SLC28A2: variants seen among roughly 807,000 people sequenced by gnomAD.
SLC28A2 encodes the protein sodium/nucleoside cotransporter 2.
A neutral mutation model predicts 72.9 loss-of-function variants in SLC28A2; 69 were observed. The ratio of observed to expected loss-of-function variants is 0.95; its 90% confidence interval spans 0.78 to 1.16. The LOEUF (loss-of-function observed/expected upper bound fraction) is 1.16. Ranked by LOEUF, SLC28A2 falls within the 50% of genes most tolerant of loss-of-function variation. The pLI, the probability that SLC28A2 is intolerant of heterozygous loss-of-function variation, is 0.00. For missense variants in SLC28A2, 745 were observed against 791.1 expected (o/e 0.94, Z 0.70); for synonymous variants, 296 against 294.1 (o/e 1.01, Z -0.07).
chr15:45,270,232 G>T lies in SLC28A2; in HGVS notation c.1604G>T (p.Gly535Val), dbSNP rs1370695023. The T allele has an allele frequency of 1.2e-6, 2 of 1,613,738 alleles. No individual in the cohort carries two copies. Among genetic ancestry groups the T allele is most frequent in the Non-Finnish European group, 8.5e-7 (1 of 1,179,752 alleles). Residue 535 changes from glycine (G) to valine (V), a missense_variant, in exon 15 of 18, where the codon GGA becomes GTA. Gly to Val is a moderately radical substitution (Grantham distance 109, BLOSUM62 -3). Coordinates refer to ENST00000347644, the MANE Select transcript of SLC28A2 (RefSeq NM_004212.4). ...AEIITTFSLC[G>V]FANLSSIGIT... ...ATCATTACAACATTTTCACTCTGTG[G>T]ATTTGCCAATCTTAGTTCCATAGGA...
At chr15:45,274,506 A>C (rs1340755188) in intron 17 of SLC28A2, among the ~76,000 whole-genome samples, 4 of 152,044 alleles carry the variant, frequency 2.6e-5, no homozygotes, top group Non-Finnish European at 5.9e-5. Context: ...GGTGCAAACA[A>C]ACAAACAAAC....
intron 1 of SLC28A2, among the ~76,000 whole-genome samples, chr15:45,252,624 CTAAT>C (rs1487610321): frequency 6.6e-6 from 1 of 152,200 alleles, no homozygotes; most frequent in Non-Finnish European, 1.5e-5. Flanking sequence ...AACATTCATA[CTAAT>C]TATTTTAAAT....
At chr15:45,263,267 T>G in intron 5 of SLC28A2, 23 bp downstream of exon 5, 1 of 1,609,194 alleles carries the variant, frequency 6.2e-7, no homozygotes, top group Non-Finnish European at 8.5e-7. Flanking sequence ...TCTCAATACC[T>G]GGCCTCACAG....
intron 3 of SLC28A2, among the ~76,000 whole-genome samples, chr15:45,255,762 A>T (rs368417205): frequency 3.9e-5 from 6 of 152,172 alleles, no homozygotes; most frequent in East Asian, 3.8e-4. Context: ...ATGACAGAAA[A>T]ATGTAGCAAA....
chr15:45,258,117 G>A (rs1429032218), intron 3 of SLC28A2, among the ~76,000 whole-genome samples: 1 of 152,104 alleles, frequency 6.6e-6, no homozygotes, highest in Non-Finnish European at 1.5e-5. Flanking sequence ...TAGCTACTCG[G>A]GAGGCTGAGG....
At chr15:45,265,733 C>A in intron 9 of SLC28A2, 70 bp downstream of exon 9, 1 of 1,043,892 alleles carries the variant, frequency 9.6e-7, no homozygotes, top group Non-Finnish European at 1.5e-6. Context: ...TGGAAAAATG[C>A]CCATAGCTAA....
rs17215626 is a variant in SLC28A2, at chr15:45,267,737, G to T, written c.1140G>T (p.Ala380=). The change falls in exon 12 of 18, where the codon GCG becomes GCT. Residue 380 remains alanine, a synonymous_variant. Transcript: ENST00000347644. ...APCALASSKL[A]YPEVEESKFK... is the part of the protein sequence containing the mutation. ...GTGCTCTCGCCTCATCAAAGCTAGC[G>T]TATCCGGAAGTGGAGGAGTCCAAGT... is the stretch of plus-strand genomic sequence containing the variant. 1 of 1,614,060 alleles carries T rather than the reference G, an allele frequency of 6.2e-7. No homozygotes were observed. The highest frequency in any genetic ancestry group is 8.5e-7 in the Non-Finnish European group (1 of 1,180,008).
chr15:45,273,841 C>T (rs999350648), intron 17 of SLC28A2, among the ~76,000 whole-genome samples: 1 of 152,086 alleles, frequency 6.6e-6, no homozygotes, highest in Non-Finnish European at 1.5e-5. Flanking sequence ...ATCTCTTTTC[C>T]GGCATAAGCA....
At position 45,276,161 on chromosome 15, in the gene SLC28A2, T is replaced by A. The variant is rs1203936633; in HGVS notation, c.*648T>A. 1 of 152,088 alleles carries A rather than the reference T, an allele frequency of 6.6e-6. No individual in the cohort carries two copies. Among genetic ancestry groups the A allele is most frequent in the African/African-American group, 2.4e-5 (1 of 41,400 alleles). 9.4% of individuals were successfully genotyped at this position (152,088 alleles called of 1,614,324 possible). On this transcript the variant is annotated 3_prime_UTR_variant, in exon 18 of 18. Transcript: ENST00000347644. ...AATACTATGCAGCCATAAAAAATGA[T>A]GAGCTCATGTCCTTTGCAGGGACAT... is the stretch of plus-strand genomic sequence containing the variant.
chr15:45,261,398 C>G (rs555909141), intron 3 of SLC28A2, among the ~76,000 whole-genome samples: 3 of 152,166 alleles, frequency 2.0e-5, no homozygotes, highest in Non-Finnish European at 4.4e-5. Flanking sequence ...GTAACAGCTC[C>G]AGGGGTCTTA....
In SLC28A2 at chr15:45,275,545, A is replaced by G; in HGVS notation, c.*32A>G. On this transcript the variant is annotated 3_prime_UTR_variant, in exon 18 of 18. Transcript: ENST00000347644. Reference sequence around the variant, plus strand: ...TTGATCTATTTCTATAACAGTTTTGATCTTAAAAGCTTTGTGATTGCAAAG... The same window carrying G: ...TTGATCTATTTCTATAACAGTTTTGGTCTTAAAAGCTTTGTGATTGCAAAG... 1 of 1,394,456 alleles carries G rather than the reference A, an allele frequency of 7.2e-7. No individual in the cohort carries two copies. Among genetic ancestry groups the G allele is most frequent in the South Asian group, 1.2e-5 (1 of 85,164 alleles). The allele number at this position is 1,394,456 out of a possible 1,614,324, so 86.4% of individuals were successfully genotyped here. A position where few individuals can be genotyped will look rare whatever the true frequency, so the allele number is the denominator to read the frequency against.
chr15:45,255,265 A>AG (rs1899941992), intron 3 of SLC28A2: 1 of 150,130 alleles, frequency 6.7e-6, no homozygotes, highest in Non-Finnish European at 1.5e-5. Context: ...AAAAAAAAAA[A>AG]AGAAGAAAGA....
Position 45,267,581 on chromosome 15 carries a change from G to T in SLC28A2, c.1068+1G>T. 1.2e-6 allele frequency: 2 copies of T among 1,614,142 alleles called. No individual in the cohort carries two copies. The highest frequency in any genetic ancestry group is 1.7e-6 in the Non-Finnish European group (2 of 1,180,014). ...GCTGGGAGCCTTCATAGCCTTTGGGGTAGGCATAGTCTGCTTGATCACTCC... is the reference window on the plus strand; with the variant it reads ...GCTGGGAGCCTTCATAGCCTTTGGGTTAGGCATAGTCTGCTTGATCACTCC... On this transcript the variant is annotated splice_donor_variant, in intron 11 of 17. Coordinates refer to ENST00000347644, the MANE Select transcript of SLC28A2 (RefSeq NM_004212.4). LOFTEE classifies it high-confidence loss of function.
intron 3 of SLC28A2, chr15:45,256,079 A>C (rs1386218514): frequency 1.3e-5 from 2 of 152,126 alleles, no homozygotes; most frequent in East Asian, 3.8e-4. Context: ...TGGCACCTTA[A>C]ACTGCTCTGA....
In SLC28A2 at chr15:45,253,266, T is replaced by G; in HGVS notation, c.51T>G (p.Thr17=). Residue 17 remains threonine, a synonymous_variant, in exon 2 of 18, where the codon ACT becomes ACG. Coordinates refer to ENST00000347644, the MANE Select transcript of SLC28A2 (RefSeq NM_004212.4). Reference sequence around the variant, plus strand: ...CCATTGCTCTGTCCACAGTGGAGACTGGCACAGTGAACCCGGGGCTGGAGC... The same window carrying G: ...CCATTGCTCTGTCCACAGTGGAGACGGGCACAGTGAACCCGGGGCTGGAGC... ...RQSIALSTVE[T]GTVNPGLELM... is the part of the protein sequence containing the mutation. 1 of 1,613,772 alleles carries G rather than the reference T, an allele frequency of 6.2e-7. No homozygotes were observed. Among genetic ancestry groups the G allele is most frequent in the Non-Finnish European group, 8.5e-7 (1 of 1,179,680 alleles).
intron 3 of SLC28A2, among the ~76,000 whole-genome samples, chr15:45,260,544 C>T (rs1181008668): frequency 6.6e-6 from 1 of 152,074 alleles, no homozygotes; most frequent in Admixed American, 6.5e-5. Flanking sequence ...ATCACTTGAG[C>T]CCAGGAGTTT....
In SLC28A2 at chr15:45,266,071, A is replaced by G. The variant is rs1900324634; in HGVS notation, c.862-10A>G. The G allele has an allele frequency of 6.3e-7, 1 of 1,598,200 alleles. No homozygotes were observed. The highest frequency in any genetic ancestry group is 8.6e-7 in the Non-Finnish European group (1 of 1,165,688). ...TAACATTAATGGTTTAGGTTTCTGT[A>G]TTCTTCTAGGTCGCCTGGTTTTTAC... On this transcript the variant is annotated splice_polypyrimidine_tract_variant and intron_variant, in intron 9 of 17. Transcript: ENST00000347644.
In SLC28A2 at chr15:45,265,596, T is replaced by A; in HGVS notation, c.794T>A (p.Ile265Asn). The change falls in exon 9 of 18, where the codon ATC becomes AAC. Residue 265 changes from isoleucine to asparagine, a missense_variant. Transcript: ENST00000347644. ...DVFAFQALPIIIFFGCVVSIL... is the reference protein window; with the variant it reads ...DVFAFQALPINIFFGCVVSIL... ...TTCTCATTACAGGCCTTACCAATCA[T>A]CATTTTCTTTGGATGTGTGGTGTCC... 1 of 1,612,844 alleles carries A rather than the reference T, an allele frequency of 6.2e-7. No individual in the cohort carries two copies. Among genetic ancestry groups the A allele is most frequent in the East Asian group, 2.2e-5 (1 of 44,872 alleles).
intron 16 of SLC28A2, 74 bp from the exon 17 acceptor site, chr15:45,272,599 G>A (rs1900610773): frequency 9.5e-6 from 9 of 945,722 alleles, no homozygotes; most frequent in South Asian, 2.7e-5. Context: ...TCCACAATTC[G>A]TGCCAAAAGA....
Sources: allele counts gnomAD v4.1 joint callset (sites outside exome capture counted in the v4.1 genomes callset), GRCh38; gene constraint gnomAD v4.1.1; transcripts MANE v1.5; gene names NCBI Gene and HGNC (gene_info 2026-07-23, HGNC 2026-07-21).